Variants in NRG3 observed in about 807,000 individuals in gnomAD.
NRG3 encodes neuregulin 3.
NRG3 carries 31 observed loss-of-function variants against 66.9 expected under a neutral mutation model. The observed-to-expected ratio is 0.46, with a 90% CI of 0.35 to 0.63. NRG3 has a LOEUF of 0.63. Among genes scored for constraint, NRG3 ranks in the 20% least tolerant of loss-of-function variants. The probability of loss-of-function intolerance (pLI) is 0.00; values close to 1 mark genes in which losing one functional copy is unlikely to be tolerated. For missense variants in NRG3, 910 were observed against 878.9 expected (o/e 1.04, Z -0.45); for synonymous variants, 393 against 359.4 (o/e 1.09, Z -1.06).
At chr10:82,272,119 G>C (rs1028461164) in intron 1 of NRG3, among the ~76,000 whole-genome samples, 10 of 152,064 alleles carry the variant, frequency 6.6e-5, no homozygotes, top group Non-Finnish European at 1.5e-4. Flanking sequence ...TAAGATGATG[G>C]AGTAGAGATG....
At chr10:82,535,915 T>TTG (rs1243449379) in intron 2 of NRG3, among the ~76,000 whole-genome samples, 3 of 151,982 alleles carry the variant, frequency 2.0e-5, no homozygotes, top group African/African-American at 7.3e-5. Flanking sequence ...TTTTTTTTTT[T>TTG]TTTTGACTGG....
intron 1 of NRG3, among the ~76,000 whole-genome samples, chr10:82,220,436 A>G (rs1449471748): frequency 6.6e-6 from 1 of 151,976 alleles, no homozygotes; most frequent in Non-Finnish European, 1.5e-5. Context: ...GCTTCAGGAA[A>G]CCTTCACTTT....
At chr10:82,177,802 T>C (rs1159554843) in intron 1 of NRG3, among the ~76,000 whole-genome samples, 1 of 152,052 alleles carries the variant, frequency 6.6e-6, no homozygotes, top group African/African-American at 2.4e-5. Context: ...TGGGATAAAC[T>C]AAAAGAAAGA....
At chr10:82,510,446 ACT>A (rs1310530797) in intron 2 of NRG3, among the ~76,000 whole-genome samples, 1 of 152,116 alleles carries the variant, frequency 6.6e-6, no homozygotes, top group African/African-American at 2.4e-5. Flanking sequence ...GTCTATGCAC[ACT>A]CTTTCTTATT....
intron 2 of NRG3, among the ~76,000 whole-genome samples, chr10:82,628,676 C>T (rs58716232): frequency 0.023 from 3,550 of 152,052 alleles, 132 homozygotes; most frequent in African/African-American, 0.08. Context: ...TCCAGGCACA[C>T]TCTGGGAAGC....
In NRG3 at chr10:82,353,517, G is replaced by A. The variant is rs112015229; in HGVS notation, c.824-5222G>A. Among the ~76,000 whole-genome samples, 175 of 152,182 alleles carry A rather than the reference G, an allele frequency of 1.1e-3. 1 individual carries two copies. The highest frequency in any genetic ancestry group is 3.9e-3 in the African/African-American group (164 of 41,522). The stretch of plus-strand genomic sequence containing the variant: ...ACTGATTACTTACTATGTATGCTAC[G>A]TGATGTGGAAAGAATAGAAAACTTA... On this transcript the variant is annotated intron_variant, in intron 1 of 8. Coordinates refer to ENST00000372141, the MANE Select transcript of NRG3 (RefSeq NM_001010848.4).
intron 2 of NRG3, among the ~76,000 whole-genome samples, chr10:82,674,582 G>A (rs2134065527): frequency 6.6e-6 from 1 of 152,270 alleles, no homozygotes; most frequent in African/African-American, 2.4e-5. Flanking sequence ...AGCAAGGAAT[G>A]AGCCTTATTG....
intron 1 of NRG3, among the ~76,000 whole-genome samples, chr10:82,266,912 CCA>C (rs2078328761): frequency 6.6e-6 from 1 of 152,136 alleles, no homozygotes; most frequent in Non-Finnish European, 1.5e-5. Context: ...TATGAACTTA[CCA>C]CAAATGATGC....
intron 2 of NRG3, among the ~76,000 whole-genome samples, chr10:82,641,936 A>G (rs541132125): frequency 6.6e-6 from 1 of 152,266 alleles, no homozygotes; most frequent in South Asian, 2.1e-4. Context: ...TTCATCATCC[A>G]AATTAATGTA....
intron 3 of NRG3, among the ~76,000 whole-genome samples, chr10:82,845,058 G>A (rs940642007): frequency 2.0e-5 from 3 of 152,146 alleles, no homozygotes; most frequent in Non-Finnish European, 2.9e-5. Context: ...GGGAGGCTGA[G>A]GCAGGAGGAA....
chr10:82,107,697 T>G (rs1389657117), intron 1 of NRG3, among the ~76,000 whole-genome samples: 1 of 152,246 alleles, frequency 6.6e-6, no homozygotes, highest in Admixed American at 6.5e-5. Context: ...GCTAGTCATT[T>G]AGTAGGAGCT....
intron 1 of NRG3, among the ~76,000 whole-genome samples, chr10:82,132,549 C>CATATATATA (rs1554831283): frequency 6.1e-5 from 1 of 16,388 alleles, no homozygotes. Flanking sequence ...ATATATATAT[C>CATATATATA]TTTGTCTGGT....
At chr10:81,877,722 A>G (rs1314116968) in intron 1 of NRG3, 5 of 1,350,248 alleles carry the variant, frequency 3.7e-6, no homozygotes, top group Admixed American at 3.5e-5. Context: ...GCCACAAACC[A>G]GAATGGCAGT....
intron 3 of NRG3, among the ~76,000 whole-genome samples, chr10:82,804,369 A>G (rs2135457251): frequency 6.6e-6 from 1 of 152,228 alleles, no homozygotes; most frequent in East Asian, 1.9e-4. Flanking sequence ...TTTGGCTACA[A>G]TGCATGATAA....
At chr10:82,390,998 T>A (rs899812261) in intron 2 of NRG3, among the ~76,000 whole-genome samples, 1 of 152,134 alleles carries the variant, frequency 6.6e-6, no homozygotes, top group Admixed American at 6.6e-5. Context: ...CAAATGTACT[T>A]TTGGAAAAAC....
At chr10:82,052,255 TACCTG>T (rs1228060814) in intron 1 of NRG3, among the ~76,000 whole-genome samples, 1 of 152,158 alleles carries the variant, frequency 6.6e-6, no homozygotes, top group Non-Finnish European at 1.5e-5. Context: ...TTCCTAAAAA[TACCTG>T]AACTTCATTA....
chr10:82,486,645 C>T (rs1187310544), intron 2 of NRG3, among the ~76,000 whole-genome samples: 1 of 152,044 alleles, frequency 6.6e-6, no homozygotes, highest in Non-Finnish European at 1.5e-5. Flanking sequence ...AACTCCTGAC[C>T]TCGTGATCTG....
chr10:82,494,588 A>G (rs367858811), intron 2 of NRG3, among the ~76,000 whole-genome samples: 57 of 152,256 alleles, frequency 3.7e-4, no homozygotes, highest in East Asian at 3.1e-3. Context: ...TAAATGTATC[A>G]TCTAATATGC....
intron 3 of NRG3, among the ~76,000 whole-genome samples, chr10:82,849,531 G>C (rs186474977): frequency 2.0e-5 from 3 of 151,660 alleles, no homozygotes; most frequent in African/African-American, 7.2e-5. Context: ...TCTTTATATG[G>C]TGGTAAATTG....
Sources: allele counts gnomAD v4.1 joint callset (sites outside exome capture counted in the v4.1 genomes callset), GRCh38; gene constraint gnomAD v4.1.1; transcripts MANE v1.5; gene names NCBI Gene and HGNC (gene_info 2026-07-23, HGNC 2026-07-21).